The following ZFYVE28 variants were observed in gnomAD, a reference collection of about 807,000 sequenced individuals.
The protein encoded by ZFYVE28 is lateral signaling target protein 2 homolog.
Under a neutral mutation model 82.1 loss-of-function variants are expected in ZFYVE28, and 40 were observed. The observed-to-expected ratio is 0.49, with a 90% CI of 0.38 to 0.63. ZFYVE28 has a LOEUF of 0.63. Ranked by LOEUF, ZFYVE28 falls within the 30% of genes least tolerant of loss-of-function variation. The probability of loss-of-function intolerance (pLI) is 0.00; values close to 1 mark genes in which losing one functional copy is unlikely to be tolerated. For synonymous variants in ZFYVE28, 612 were observed against 546.1 expected, an observed-to-expected ratio of 1.12 and a Z score of -1.68; for missense variants, 1,321 against 1,242.1, an observed-to-expected ratio of 1.06 and a Z score of -0.96.
chr4:2,394,279 ATTCATGGG>A lies in ZFYVE28; in HGVS notation c.39+23998_39+24005del, dbSNP rs1343862994. On this transcript the variant is annotated intron_variant, in intron 1 of 12. Transcript: ENST00000290974. This position sits in a 1 kb window ranked among gnomAD's most constrained non-coding sequence, Gnocchi z 4.0. The stretch of plus-strand genomic sequence containing the variant: ...TTCCCCTTTGCCACACACCTCATAG[ATTCATGGG>A]TTCCAGGGATTCACACATGGACACC... Among the ~76,000 whole-genome samples the A allele has an allele frequency of 6.6e-6, 1 of 152,126 alleles. No individual in the cohort carries two copies. The highest frequency in any genetic ancestry group is 2.4e-5 in the African/African-American group (1 of 41,426).
chr4:2,282,738 A>G (rs1388411318), intron 8 of ZFYVE28, among the ~76,000 whole-genome samples: 2 of 152,194 alleles, frequency 1.3e-5, no homozygotes, highest in African/African-American at 4.8e-5. Context: ...GCATCACAGT[A>G]TGTTTCTCAT....
rs1560222425 is a variant in ZFYVE28, at chr4:2,334,750, CCCTCCCCTTCCCCCTCCCCACTTCCG to C, written c.701+929_701+954del. On this transcript the variant is annotated intron_variant, in intron 6 of 12. Transcript: ENST00000290974. ...CTGCCCACTGGACCCTCCCCCTTCC[CCCTCCCCTTCCCCCTCCCCACTTCCG>C]CCTCCCCTCTTCCCCCTCCCCTCTT... Among the ~76,000 whole-genome samples the C allele has an allele frequency of 9.0e-4, 37 of 41,032 alleles. 4 individuals are homozygous for C. Among genetic ancestry groups the C allele is most frequent in the South Asian group, 1.2e-3 (1 of 808 alleles). The allele number at this position is 41,032 out of a possible 152,430, so 26.9% of individuals were successfully genotyped here. A position where few individuals can be genotyped will look rare whatever the true frequency, so the allele number is the denominator to read the frequency against.
rs183743033 is a variant in ZFYVE28, at chr4:2,360,171, G to A, written c.40-6098C>T. 5.3e-5 allele frequency among the ~76,000 whole-genome samples: 8 copies of A among 152,006 alleles called. No individual in the cohort carries two copies. The East Asian group carries it at 5.8e-4, about 11-fold the overall frequency. On this transcript the variant is annotated intron_variant, in intron 1 of 12. Coordinates refer to ENST00000290974, the MANE Select transcript of ZFYVE28 (RefSeq NM_020972.3). ...CAGCGTGTCCAAAGCCATTGCCCCC[G>A]AGAACAGGGAAGCTCCGAGTGTCTT...
At chr4:2,334,736 ACCCTCCCCCTTCCCCCTCCCCTTCC>A (rs1721314943) in intron 6 of ZFYVE28, among the ~76,000 whole-genome samples, 7 of 52,592 alleles carry the variant, frequency 1.3e-4, no homozygotes, top group African/African-American at 3.8e-4. Flanking sequence ...TGCCCACTGG[ACCCTCCCCCTTCCCCCTCCCCTTCC>A]CCCTCCCCAC....
chr4:2,275,875 G>A (rs1417020223), intron 8 of ZFYVE28, among the ~76,000 whole-genome samples: 1 of 152,224 alleles, frequency 6.6e-6, no homozygotes, highest in African/African-American at 2.4e-5. Flanking sequence ...CCAGTGAAAC[G>A]CTGGGCAGGA....
At chr4:2,319,861 G>A (rs1035123852) in intron 7 of ZFYVE28, among the ~76,000 whole-genome samples, 2 of 151,564 alleles carry the variant, frequency 1.3e-5, no homozygotes, top group Non-Finnish European at 2.9e-5. Flanking sequence ...GGATGGTGGG[G>A]ACAATGGGAA....
chr4:2,278,927 G>A (rs1210457472), intron 8 of ZFYVE28, among the ~76,000 whole-genome samples: 1 of 76,942 alleles, frequency 1.3e-5, no homozygotes, highest in Non-Finnish European at 2.5e-5. Context: ...CGATTAGAAT[G>A]TTCCCCCCCC....
chr4:2,375,659 G>A (rs1215159461), intron 1 of ZFYVE28, among the ~76,000 whole-genome samples: 1 of 42 alleles, frequency 0.024, no homozygotes, highest in Non-Finnish European at 0.062. Context: ...GCCTGCCCTG[G>A]GGGCGGGACA....
intron 2 of ZFYVE28, among the ~76,000 whole-genome samples, chr4:2,350,663 C>T (rs1413369436): frequency 2.0e-5 from 3 of 152,258 alleles, no homozygotes; most frequent in Non-Finnish European, 2.9e-5. Context: ...AGGGTTGGGA[C>T]TTTCAGCCCC....
At chr4:2,302,365 A>G (rs1320027897) in intron 8 of ZFYVE28, among the ~76,000 whole-genome samples, 1 of 152,256 alleles carries the variant, frequency 6.6e-6, no homozygotes, top group African/African-American at 2.4e-5. Context: ...TTCTACACAC[A>G]TAATGCTGAA....
chr4:2,297,086 T>G (rs554310411), intron 8 of ZFYVE28, among the ~76,000 whole-genome samples: 1 of 152,172 alleles, frequency 6.6e-6, no homozygotes, highest in South Asian at 2.1e-4. Flanking sequence ...AGCCGAATGG[T>G]GGATGTGGGA....
rs142977464 is a variant in ZFYVE28 at position 2,403,936 on chromosome 4, T to C, written c.39+14349A>G. 7.2e-3 allele frequency among the ~76,000 whole-genome samples: 984 copies of C among 136,994 alleles called. 17 individuals are homozygous for C. Among genetic ancestry groups the C allele is most frequent in the African/African-American group, 0.026 (934 of 35,678 alleles). 89.9% of individuals were successfully genotyped at this position (136,994 alleles called of 152,430 possible). ...GCGAGCAGATATTGCGCCATTGCACTCCAGCCTGGGTGACAAGAGCGAAAC... is the reference window on the plus strand; with the variant it reads ...GCGAGCAGATATTGCGCCATTGCACCCCAGCCTGGGTGACAAGAGCGAAAC... On this transcript the variant is annotated intron_variant, in intron 1 of 12. Coordinates refer to ENST00000290974, the MANE Select transcript of ZFYVE28 (RefSeq NM_020972.3).
chr4:2,305,081 G>A lies in ZFYVE28; in HGVS notation c.1259C>T (p.Ala420Val). The change falls in exon 8 of 13, where the codon GCT (alanine) becomes GTT (valine). Residue 420 changes from alanine (A) to valine (V), a missense_variant. Physicochemically the swap from Ala to Val is moderately conservative, Grantham distance 64 (BLOSUM62 0). Around this residue, in one of 2 missense-constraint regions of ZFYVE28, gnomAD observed 978 missense variants for 833.7 expected, o/e 1.17. Coordinates refer to ENST00000290974, the MANE Select transcript of ZFYVE28 (RefSeq NM_020972.3). ...ACTGCCTGCCCACCCAAATGGGCCA[G>A]CTGGGGACTCGGGCCTGGCCAGGGC... Reference protein sequence around the residue: ...AEALARPESPAGPFGWAGSTW... With the variant: ...AEALARPESPVGPFGWAGSTW... 4 of 1,608,826 alleles carry A rather than the reference G, an allele frequency of 2.5e-6. No homozygotes were observed. Among genetic ancestry groups the A allele is most frequent in the Non-Finnish European group, 2.5e-6 (3 of 1,177,444 alleles).
At chr4:2,364,929 G>A (rs1399995986) in intron 1 of ZFYVE28, 1 of 983,154 alleles carries the variant, frequency 1.0e-6, no homozygotes, top group Non-Finnish European at 1.2e-6. Flanking sequence ...GCGGGGGCGG[G>A]GCCCAGCAGG....
At chr4:2,385,734 CAA>C in intron 1 of ZFYVE28, among the ~76,000 whole-genome samples, 1 of 151,756 alleles carries the variant, frequency 6.6e-6, no homozygotes, top group Admixed American at 6.6e-5. Context: ...TCTCACAAAA[CAA>C]AAAAAACAAA....
At chr4:2,291,410 C>T (rs941275261) in intron 8 of ZFYVE28, among the ~76,000 whole-genome samples, 1 of 152,144 alleles carries the variant, frequency 6.6e-6, no homozygotes, top group Non-Finnish European at 1.5e-5. Context: ...CTTGGGCTCA[C>T]GGGGAGGCCC....
At position 2,394,137 on chromosome 4, in the gene ZFYVE28, C is replaced by A. The variant is rs550584822; in HGVS notation, c.39+24148G>T. ...CCCAGCTCCTCTGACTCTCCTGCCC[C>A]CTTCTCCACTACTGAGGACTCCTGT... On this transcript the variant is annotated intron_variant, in intron 1 of 12. Coordinates refer to ENST00000290974, the MANE Select transcript of ZFYVE28 (RefSeq NM_020972.3). This position sits in a 1 kb window ranked among gnomAD's most constrained non-coding sequence, Gnocchi z 4.0. Among the ~76,000 whole-genome samples the A allele has an allele frequency of 6.6e-6, 1 of 152,190 alleles. No individual in the cohort carries two copies. Among genetic ancestry groups the A allele is most frequent in the African/African-American group, 2.4e-5 (1 of 41,452 alleles).
chr4:2,306,885 C>T (rs1013331053), intron 7 of ZFYVE28: 11 of 152,306 alleles, frequency 7.2e-5, no homozygotes, highest in Middle Eastern at 3.4e-3. Context: ...CTGTTACACC[C>T]GACAGGTTTT....
intron 1 of ZFYVE28, among the ~76,000 whole-genome samples, chr4:2,401,526 G>A (rs1731173881): frequency 6.6e-6 from 1 of 152,196 alleles, no homozygotes; most frequent in East Asian, 1.9e-4. Flanking sequence ...ACCAGACGGT[G>A]CTACCTGCCC....
Sources: gnomAD v4.1 joint callset for allele counts (sites outside exome capture counted in the v4.1 genomes callset) on GRCh38, gnomAD v4.1.1 for gene constraint, gnomAD v4.1.1 regional missense constraint, Gnocchi (gnomAD v3.1) non-coding constraint, MANE v1.5 for transcripts, NCBI Gene and HGNC (gene_info 2026-07-23, HGNC 2026-07-21) for gene names.